SYT13: variants seen among roughly 807,000 people sequenced by gnomAD.
The protein encoded by SYT13 is synaptotagmin 13.
A neutral mutation model predicts 38.6 loss-of-function variants in SYT13; 21 were observed. The ratio of observed to expected loss-of-function variants is 0.54; its 90% CI spans 0.39 to 0.78. The LOEUF is 0.78. Ranked by LOEUF, SYT13 falls within the 30% of genes least tolerant of loss-of-function variation. The pLI is 0.00. For synonymous variants in SYT13, 241 were observed against 237.6 expected, an observed-to-expected ratio of 1.01 and a Z score of -0.13; for missense variants, 495 against 548.7, an observed-to-expected ratio of 0.90 and a Z score of 0.98.
intron 1 of SYT13, among the ~76,000 whole-genome samples, chr11:45,266,275 G>A (rs1361340574): frequency 3.3e-5 from 5 of 152,078 alleles, no homozygotes; most frequent in Admixed American, 6.5e-5. Context: ...AGCCTCAGAG[G>A]CAGAAGCTGA....
chr11:45,258,817 C>T (rs1469081901), intron 1 of SYT13, among the ~76,000 whole-genome samples: 1 of 152,156 alleles, frequency 6.6e-6, no homozygotes, highest in Non-Finnish European at 1.5e-5. Context: ...ACAGCAGATG[C>T]TCAGGGTCCT....
chr11:45,279,875 T>G (rs1855051602), intron 1 of SYT13, among the ~76,000 whole-genome samples: 1 of 152,058 alleles, frequency 6.6e-6, no homozygotes, highest in Non-Finnish European at 1.5e-5. Flanking sequence ...GGGCGTCCTA[T>G]CATCATTAAG....
chr11:45,246,610 C>T, intron 4 of SYT13, 98 bp from the exon 5 acceptor site: 5 of 1,490,286 alleles, frequency 3.4e-6, no homozygotes, highest in Non-Finnish European at 4.5e-6. Flanking sequence ...GGATTTGCAT[C>T]CAACACGCAT....
Position 45,243,948 on chromosome 11 carries a change from T to C in SYT13, c.*104A>G, listed in dbSNP as rs1854582727. 4 of 1,249,458 alleles carry C rather than the reference T, an allele frequency of 3.2e-6. No individual in the cohort carries two copies. The East Asian group carries it at 9.4e-5, about 29-fold the overall frequency. The allele number at this position is 1,249,458 out of a possible 1,614,324, so 77.4% of individuals were successfully genotyped here. On this transcript the variant is annotated 3_prime_UTR_variant, in exon 6 of 6. Coordinates refer to ENST00000020926, the MANE Select transcript of SYT13 (RefSeq NM_020826.3). ...GAGCCATCCCAGCCTTGCAAACACA[T>C]CTGTCACTGTCTTCTGGGTGTCAGA...
intron 1 of SYT13, among the ~76,000 whole-genome samples, chr11:45,270,725 A>C: frequency 6.6e-6 from 1 of 152,196 alleles, no homozygotes; most frequent in South Asian, 2.1e-4. Context: ...GATGCAGTGT[A>C]GAAAAAAAGT....
At chr11:45,283,836 T>C (rs572038815) in intron 1 of SYT13, among the ~76,000 whole-genome samples, 16 of 152,360 alleles carry the variant, frequency 1.1e-4, no homozygotes, top group Non-Finnish European at 1.9e-4. Context: ...CAATTTCTTA[T>C]TGGACACCTA....
In SYT13 at chr11:45,252,472, T is replaced by A; in HGVS notation, c.795A>T (p.Thr265=). The A allele has an allele frequency of 6.2e-7, 1 of 1,612,074 alleles. No homozygotes were observed. The highest frequency in any genetic ancestry group is 1.1e-5 in the South Asian group (1 of 90,928). ...AGELRLGLDG[T]SVPLGAAQWG... ...ACTGGGCAGCCCCTAGAGGCACAGATGTCCCGTCCAGGCCCAGGCGGAGCT... is the reference window on the plus strand; with the variant it reads ...ACTGGGCAGCCCCTAGAGGCACAGAAGTCCCGTCCAGGCCCAGGCGGAGCT... The change falls in exon 4 of 6, where the codon ACA becomes ACT. Residue 265 remains threonine, a synonymous_variant. Transcript: ENST00000020926. The surrounding 1 kb of genome is among the most constrained non-coding windows in gnomAD (Gnocchi z 4.3).
At position 45,255,805 on chromosome 11, in the gene SYT13, C is replaced by G; in HGVS notation, c.270G>C (p.Thr90=). ...CTGCATAGTTGATGACCTCTGGAGC[C>G]GTCACAGCTGGCCTGGGTCCATAGA... ...PDIYGPRPAV[T]APEVINYADY... The change falls in exon 2 of 6, where the codon ACG becomes ACC. Residue 90 remains threonine (T), a synonymous_variant. Coordinates refer to ENST00000020926, the MANE Select transcript of SYT13 (RefSeq NM_020826.3). 6.2e-7 allele frequency: 1 copy of G among 1,614,156 alleles called. No individual in the cohort carries two copies. Among genetic ancestry groups the G allele is most frequent in the Non-Finnish European group, 8.5e-7 (1 of 1,180,038 alleles).
At chr11:45,247,034 T>A (rs943417909) in intron 4 of SYT13, among the ~76,000 whole-genome samples, 9 of 152,136 alleles carry the variant, frequency 5.9e-5, no homozygotes, top group African/African-American at 2.2e-4. Flanking sequence ...ACAAGTAATG[T>A]CAATGAAGTG....
chr11:45,271,043 G>A (rs1184224038), intron 1 of SYT13, among the ~76,000 whole-genome samples: 1 of 152,178 alleles, frequency 6.6e-6, no homozygotes, highest in African/African-American at 2.4e-5. Flanking sequence ...TCCCATGGTA[G>A]AGATGAGATA....
chr11:45,264,844 T>C (rs4755938), intron 1 of SYT13, among the ~76,000 whole-genome samples: 123,962 of 152,246 alleles, frequency 0.81, 51,245 homozygotes, highest in Non-Finnish European at 0.87. Flanking sequence ...CTGACAACAC[T>C]AGTGTGGACA....
chr11:45,277,992 A>G (rs949326643), intron 1 of SYT13, among the ~76,000 whole-genome samples: 10 of 152,220 alleles, frequency 6.6e-5, no homozygotes, highest in African/African-American at 2.4e-4. Context: ...TTCCTAGCAC[A>G]GTACCTGGCA....
chr11:45,263,458 A>G (rs1854844013), intron 1 of SYT13, among the ~76,000 whole-genome samples: 2 of 152,202 alleles, frequency 1.3e-5, no homozygotes, highest in African/African-American at 4.8e-5. Context: ...TGCACCACCC[A>G]GGAGGTTGCA....
intron 1 of SYT13, among the ~76,000 whole-genome samples, chr11:45,270,516 G>A (rs1465585008): frequency 6.6e-6 from 1 of 152,114 alleles, no homozygotes; most frequent in East Asian, 1.9e-4. Flanking sequence ...AACCATTATT[G>A]TGCCAATATA....
intron 1 of SYT13, among the ~76,000 whole-genome samples, chr11:45,277,337 T>C (rs1855022332): frequency 6.6e-6 from 1 of 152,196 alleles, no homozygotes; most frequent in Admixed American, 6.5e-5. Context: ...ATATACTAAA[T>C]GGCATTGATC....
intron 4 of SYT13, among the ~76,000 whole-genome samples, chr11:45,249,554 A>G (rs889192592): frequency 2.0e-5 from 3 of 152,232 alleles, no homozygotes; most frequent in Non-Finnish European, 4.4e-5. Flanking sequence ...TACAGCACGG[A>G]ATACTATGCA....
At chr11:45,275,098 T>A (rs1435948139) in intron 1 of SYT13, among the ~76,000 whole-genome samples, 1 of 152,120 alleles carries the variant, frequency 6.6e-6, no homozygotes, top group Non-Finnish European at 1.5e-5. Context: ...GGTTTTCATT[T>A]TGGCTACAAG....
chr11:45,245,890 G>C (rs1206428608), intron 5 of SYT13, among the ~76,000 whole-genome samples: 2 of 152,234 alleles, frequency 1.3e-5, no homozygotes, highest in African/African-American at 2.4e-5. Flanking sequence ...AGAGAGAAGA[G>C]ACTGGGGTGG....
rs979689895 is a variant in SYT13, at chr11:45,240,313, A to AT, written c.*3738dup. On this transcript the variant is annotated 3_prime_UTR_variant, in exon 6 of 6. Coordinates refer to ENST00000020926, the MANE Select transcript of SYT13 (RefSeq NM_020826.3). The stretch of plus-strand genomic sequence containing the variant: ...CACCAGGCAGCTGACCCTGTTGGAA[A>AT]TTTTTTATTTACCACTGCAAGGTTT... 2 of 152,628 alleles carry AT rather than the reference A, an allele frequency of 1.3e-5. No individual in the cohort carries two copies. The highest frequency in any genetic ancestry group is 4.8e-5 in the African/African-American group (2 of 41,444). 9.5% of individuals were successfully genotyped at this position (152,628 alleles called of 1,614,324 possible).
Sources: gnomAD v4.1 joint callset for allele counts (sites outside exome capture counted in the v4.1 genomes callset) on GRCh38, gnomAD v4.1.1 for gene constraint, Gnocchi (gnomAD v3.1) non-coding constraint, MANE v1.5 for transcripts, NCBI Gene and HGNC (gene_info 2026-07-23, HGNC 2026-07-21) for gene names.